The following FANK1 variants were observed in gnomAD, a reference collection of about 807,000 sequenced individuals.
FANK1 encodes the protein fibronectin type III and ankyrin repeat domains 1.
Under a neutral mutation model 45.3 loss-of-function variants are expected in FANK1, and 44 were observed. The ratio of observed to expected loss-of-function variants is 0.97; its 90% CI spans 0.76 to 1.25. FANK1 has a LOEUF of 1.25. FANK1 is among the 50% of genes most tolerant of loss of function. The pLI is 0.00. For synonymous variants in FANK1, 149 were observed against 152.5 expected (o/e 0.98, Z 0.17); for missense variants, 391 against 424.4 (o/e 0.92, Z 0.69).
At chr10:125,975,007 T>C (rs1950770966) in intron 1 of FANK1, 1 of 152,150 alleles carries the variant, frequency 6.6e-6, no homozygotes, top group South Asian at 2.1e-4. Flanking sequence ...ACCCTCCCGC[T>C]TCAGGTAGAC....
chr10:125,944,346 A>T (rs1312175846), intron 1 of FANK1, among the ~76,000 whole-genome samples: 4 of 152,244 alleles, frequency 2.6e-5, no homozygotes, highest in African/African-American at 9.6e-5. Flanking sequence ...CTACCTTTAT[A>T]GTTTTCCAGG....
At chr10:125,938,270 G>C (rs192449750) in intron 1 of FANK1, among the ~76,000 whole-genome samples, 1 of 142,710 alleles carries the variant, frequency 7.0e-6, no homozygotes, top group Admixed American at 7.1e-5. Context: ...ATTTGAACTG[G>C]AGTGAATAGT....
intron 1 of FANK1, among the ~76,000 whole-genome samples, chr10:125,961,135 C>T (rs1010345560): frequency 1.2e-4 from 18 of 152,190 alleles, no homozygotes; most frequent in African/African-American, 4.3e-4. Flanking sequence ...GAGACAGTGT[C>T]TCACTCCATC....
chr10:125,917,964 A>C (rs1187425802), intron 1 of FANK1, among the ~76,000 whole-genome samples: 227 of 144,614 alleles, frequency 1.6e-3, no homozygotes, highest in South Asian at 3.0e-3. Context: ...CTGTAGTCCC[A>C]ACTACTGGGG....
intron 2 of FANK1, among the ~76,000 whole-genome samples, chr10:125,988,187 G>GC (rs1951690987): frequency 1.3e-5 from 2 of 152,122 alleles, no homozygotes; most frequent in Non-Finnish European, 2.9e-5. Context: ...TCACTAGATG[G>GC]CCCCCACTTG....
At chr10:125,981,298 G>T (rs927916847) in intron 2 of FANK1, among the ~76,000 whole-genome samples, 2 of 152,034 alleles carry the variant, frequency 1.3e-5, no homozygotes, top group South Asian at 4.1e-4. Flanking sequence ...CCTTGAACCT[G>T]GATGTTCAAG....
intron 1 of FANK1, among the ~76,000 whole-genome samples, chr10:125,934,961 C>T (rs1564888534): frequency 6.6e-6 from 1 of 152,016 alleles, no homozygotes; most frequent in African/African-American, 2.4e-5. Flanking sequence ...CAGCACGATG[C>T]TGTTTCTTCC....
chr10:125,911,678 G>C (rs1342448423), intron 1 of FANK1, among the ~76,000 whole-genome samples: 2 of 152,186 alleles, frequency 1.3e-5, no homozygotes, highest in African/African-American at 4.8e-5. Context: ...CTTTCGCACA[G>C]CCTCCTCAAC....
At chr10:125,955,091 G>A (rs1460270456) in intron 1 of FANK1, among the ~76,000 whole-genome samples, 1 of 151,142 alleles carries the variant, frequency 6.6e-6, no homozygotes, top group Non-Finnish European at 1.5e-5. Flanking sequence ...CACTCATAAT[G>A]CTCAAAGTTT....
Position 125,983,058 on chromosome 10 carries a change from G to A in FANK1, c.191+2720G>A, listed in dbSNP as rs536435374. 5.3e-5 allele frequency among the ~76,000 whole-genome samples: 8 copies of A among 151,618 alleles called. No individual in the cohort carries two copies. Among genetic ancestry groups the A allele is most frequent in the African/African-American group, 1.9e-4 (8 of 41,304 alleles). On this transcript the variant is annotated intron_variant, in intron 2 of 10. Transcript: ENST00000368693. The surrounding 1 kb of genome is among the most constrained non-coding windows in gnomAD (Gnocchi z 4.3). ...AGACTAACATTTAATGTCTTTCACA[G>A]TTTCCCTACACCTGCCTTTCTTGTT...
At chr10:125,930,158 G>C (rs917918034) in intron 1 of FANK1, among the ~76,000 whole-genome samples, 2 of 150,542 alleles carry the variant, frequency 1.3e-5, no homozygotes, top group Non-Finnish European at 3.0e-5. Flanking sequence ...GGGTTCAAGC[G>C]ATTCTCCTGC....
rs539699655 is a variant in FANK1 at position 125,942,197 on chromosome 10, A to G, written c.14-37964A>G. On this transcript the variant is annotated intron_variant, in intron 1 of 10. Coordinates refer to ENST00000368693, the MANE Select transcript of FANK1 (RefSeq NM_145235.5). ...AATGCTAGGAGTAAATTTCATGGGCAGTGTGCAAGAGCATTGTGAAGACAT... is the reference window on the plus strand; with the variant it reads ...AATGCTAGGAGTAAATTTCATGGGCGGTGTGCAAGAGCATTGTGAAGACAT... Among the ~76,000 whole-genome samples the G allele has an allele frequency of 3.1e-3, 467 of 152,344 alleles. 1 individual carries two copies. Among genetic ancestry groups the G allele is most frequent in the African/African-American group, 0.011 (460 of 41,586 alleles).
intron 1 of FANK1, among the ~76,000 whole-genome samples, chr10:125,909,668 G>A (rs1011149255): frequency 3.4e-5 from 5 of 146,926 alleles, no homozygotes; most frequent in East Asian, 2.0e-4. Context: ...ACAGGTGTGC[G>A]TCACCATGAC....
At chr10:126,006,078 A>G (rs1953174245) in intron 7 of FANK1, among the ~76,000 whole-genome samples, 1 of 152,390 alleles carries the variant, frequency 6.6e-6, no homozygotes, top group South Asian at 2.1e-4. Flanking sequence ...ATTTCAAAGC[A>G]TGGAACTAAA....
At chr10:125,976,035 C>T (rs1213675179) in intron 1 of FANK1, among the ~76,000 whole-genome samples, 1 of 152,096 alleles carries the variant, frequency 6.6e-6, no homozygotes, top group Non-Finnish European at 1.5e-5. Flanking sequence ...TGAAGTTCCT[C>T]AACATTTGCT....
chr10:125,935,299 G>T (rs1008566915), intron 1 of FANK1, among the ~76,000 whole-genome samples: 1 of 152,152 alleles, frequency 6.6e-6, no homozygotes, highest in Non-Finnish European at 1.5e-5. Context: ...GGCAGGGGCC[G>T]CATCTGAGCT....
intron 1 of FANK1, among the ~76,000 whole-genome samples, chr10:125,968,268 G>A (rs1438798147): frequency 2.6e-5 from 4 of 152,142 alleles, no homozygotes; most frequent in East Asian, 1.9e-4. Flanking sequence ...GACCTAGAAC[G>A]TATTTTTGAT....
intron 4 of FANK1, 83 bp from the exon 5 acceptor site, chr10:125,996,462 ACCCAC>A: frequency 8.6e-7 from 1 of 1,159,054 alleles, no homozygotes; most frequent in Non-Finnish European, 1.2e-6. Flanking sequence ...GAGTCATTTT[ACCCAC>A]CTAAGCCCTG....
At chr10:125,973,479 A>G in intron 1 of FANK1, 2 of 984,970 alleles carry the variant, frequency 2.0e-6, no homozygotes. Context: ...ATTCAGTGAG[A>G]TGACTCACAG....
Sources: allele counts gnomAD v4.1 joint callset (sites outside exome capture counted in the v4.1 genomes callset), GRCh38; gene constraint gnomAD v4.1.1; non-coding constraint Gnocchi (gnomAD v3.1); transcripts MANE v1.5; gene names NCBI Gene and HGNC (gene_info 2026-07-23, HGNC 2026-07-21).